SYT9: variants seen among roughly 807,000 people sequenced by gnomAD.
The protein encoded by SYT9 is synaptotagmin-9.
In SYT9, 22 loss-of-function variants were observed where a neutral mutation model predicts 48.4. The observed-to-expected ratio is 0.45, with a 90% CI of 0.32 to 0.65. The LOEUF is 0.65. Ranked by LOEUF, SYT9 falls within the 30% of genes least tolerant of loss-of-function variation. The pLI is 0.03. For synonymous variants in SYT9, 265 were observed against 245.0 expected (o/e 1.08, Z -0.76); for missense variants, 577 against 622.0 (o/e 0.93, Z 0.77).
intron 3 of SYT9, among the ~76,000 whole-genome samples, chr11:7,363,259 C>G (rs1355143071): frequency 6.6e-6 from 1 of 152,098 alleles, no homozygotes; most frequent in Non-Finnish European, 1.5e-5. Context: ...GGGAAAACAA[C>G]TAGCCTACAT....
intron 6 of SYT9, among the ~76,000 whole-genome samples, chr11:7,420,877 A>G (rs529791408): frequency 4.6e-4 from 70 of 152,300 alleles, no homozygotes; most frequent in African/African-American, 1.5e-3. Context: ...TATTTTTAAA[A>G]GATCAAGATT....
chr11:7,333,509 C>T (rs1849579676), intron 3 of SYT9, among the ~76,000 whole-genome samples: 1 of 152,148 alleles, frequency 6.6e-6, no homozygotes, highest in African/African-American at 2.4e-5. Context: ...AAAAACTGAA[C>T]AGATCTATGA....
At chr11:7,324,048 G>T (rs750609813) in intron 3 of SYT9, among the ~76,000 whole-genome samples, 1 of 151,802 alleles carries the variant, frequency 6.6e-6, no homozygotes, top group Non-Finnish European at 1.5e-5. Flanking sequence ...GAACTTTCTA[G>T]TATAACTTTC....
chr11:7,432,615 A>C (rs1847626958), intron 6 of SYT9, among the ~76,000 whole-genome samples: 1 of 32,796 alleles, frequency 3.0e-5, no homozygotes, highest in African/African-American at 1.3e-4. Context: ...ATATATATAT[A>C]TATATATATA....
At chr11:7,391,865 A>G (rs951785312) in intron 3 of SYT9, among the ~76,000 whole-genome samples, 11 of 150,428 alleles carry the variant, frequency 7.3e-5, no homozygotes, top group African/African-American at 2.7e-4. Context: ...GCAGTGAGCT[A>G]TGATTATGCC....
intron 6 of SYT9, among the ~76,000 whole-genome samples, chr11:7,448,101 G>A (rs138162128): frequency 1.2e-4 from 18 of 152,356 alleles, no homozygotes; most frequent in Non-Finnish European, 1.9e-4. Flanking sequence ...TTTAAGCAAA[G>A]CCTTGACAGT....
rs775094665 is a variant in SYT9 at position 7,303,289 on chromosome 11, C to T, written c.396C>T (p.Thr132=). ...ACTCCTCCATGAAGATCAGCCACAC[C>T]TCCCCTGACATTCCCCTCTCCACCC... ...CPDSSMKISH[T]SPDIPLSTQT... is the part of the protein sequence containing the mutation. Residue 132 remains threonine (T), a synonymous_variant, in exon 2 of 7, where the codon ACC becomes ACT. Coordinates refer to ENST00000318881, the MANE Select transcript of SYT9 (RefSeq NM_175733.4). 3 of 1,614,120 alleles carry T rather than the reference C, an allele frequency of 1.9e-6. No individual in the cohort carries two copies. Among genetic ancestry groups the T allele is most frequent in the South Asian group, 2.2e-5 (2 of 91,070 alleles).
chr11:7,326,565 A>C (rs1292943622), intron 3 of SYT9, among the ~76,000 whole-genome samples: 2 of 151,680 alleles, frequency 1.3e-5, no homozygotes, highest in Non-Finnish European at 2.9e-5. Flanking sequence ...AATTGGAAAA[A>C]ACTACTTTAA....
intron 3 of SYT9, among the ~76,000 whole-genome samples, chr11:7,376,181 G>A (rs1398498315): frequency 1.3e-5 from 2 of 151,740 alleles, no homozygotes; most frequent in Admixed American, 6.6e-5. Flanking sequence ...ATAATGCATG[G>A]TACATGGTAG....
intron 3 of SYT9, among the ~76,000 whole-genome samples, chr11:7,329,735 G>A (rs956825320): frequency 2.6e-5 from 4 of 152,198 alleles, no homozygotes; most frequent in African/African-American, 9.6e-5. Flanking sequence ...GCCAGATGAA[G>A]GGGTTAGAAA....
At chr11:7,298,618 T>C (rs7946100) in intron 1 of SYT9, among the ~76,000 whole-genome samples, 2,670 of 152,104 alleles carry the variant, frequency 0.018, 64 homozygotes, top group African/African-American at 0.062. Context: ...AATTTTTTAC[T>C]TGTTGGCCAG....
At chr11:7,418,598 T>C (rs1239828851) in intron 5 of SYT9, among the ~76,000 whole-genome samples, 1 of 152,254 alleles carries the variant, frequency 6.6e-6, no homozygotes, top group Non-Finnish European at 1.5e-5. Flanking sequence ...AAGTATTTAA[T>C]AAAGATTGTT....
intron 3 of SYT9, among the ~76,000 whole-genome samples, chr11:7,317,579 C>T (rs1849264367): frequency 2.6e-5 from 4 of 152,186 alleles, no homozygotes; most frequent in Admixed American, 2.6e-4. Context: ...AACCTGATTA[C>T]CTCCCAAAAG....
At chr11:7,370,538 A>C (rs1164761777) in intron 3 of SYT9, among the ~76,000 whole-genome samples, 4 of 152,184 alleles carry the variant, frequency 2.6e-5, no homozygotes, top group Admixed American at 2.6e-4. Flanking sequence ...TTCGGTGAGC[A>C]TACTAAAATT....
chr11:7,271,021 T>C (rs74051032), intron 1 of SYT9, among the ~76,000 whole-genome samples: 5,313 of 152,042 alleles, frequency 0.035, 314 homozygotes, highest in African/African-American at 0.12. Context: ...AAGACTTATA[T>C]AAATAAAGGA....
intron 1 of SYT9, among the ~76,000 whole-genome samples, chr11:7,268,533 T>G (rs1848233934): frequency 6.6e-6 from 1 of 152,028 alleles, no homozygotes; most frequent in African/African-American, 2.4e-5. Flanking sequence ...TTAAAAATAC[T>G]GATGTACTGT....
In SYT9 at chr11:7,355,910, C is replaced by T. The variant is rs572473269; in HGVS notation, c.1044+41969C>T. Among the ~76,000 whole-genome samples the T allele has an allele frequency of 2.0e-5, 3 of 152,310 alleles. No homozygotes were observed. The East Asian group carries it at 5.8e-4, about 29-fold the overall frequency. ...AGCTCATTGGTGGCCCAGTCCCTTC[C>T]TGATTGTCTTGTGTCTACCACAGTG... On this transcript the variant is annotated intron_variant, in intron 3 of 6. Coordinates refer to ENST00000318881, the MANE Select transcript of SYT9 (RefSeq NM_175733.4).
chr11:7,383,122 A>C (rs1002126646), intron 3 of SYT9, among the ~76,000 whole-genome samples: 2 of 152,228 alleles, frequency 1.3e-5, no homozygotes, highest in African/African-American at 4.8e-5. Flanking sequence ...AGGATGATCA[A>C]ACTATTAACG....
intron 2 of SYT9, among the ~76,000 whole-genome samples, chr11:7,308,952 C>T (rs1849081839): frequency 6.6e-6 from 1 of 152,152 alleles, no homozygotes; most frequent in South Asian, 2.1e-4. Flanking sequence ...AAACCTTGTA[C>T]CTCTGGGATT....
Sources: gnomAD v4.1 joint callset for allele counts (sites outside exome capture counted in the v4.1 genomes callset) on GRCh38, gnomAD v4.1.1 for gene constraint, MANE v1.5 for transcripts, NCBI Gene and HGNC (gene_info 2026-07-23, HGNC 2026-07-21) for gene names.